NOL4L: variants seen among roughly 807,000 people sequenced by gnomAD.
NOL4L encodes the protein nucleolar protein 4 like.
In NOL4L, 7 loss-of-function variants were observed where a neutral mutation model predicts 64.5. That is an observed-to-expected ratio of 0.11 (90% CI 0.06 to 0.20). NOL4L has a LOEUF of 0.20. NOL4L is among the 10% of genes least tolerant of loss of function. The pLI is 1.00. For synonymous variants in NOL4L, 413 were observed against 401.0 expected, an observed-to-expected ratio of 1.03 and a Z score of -0.36; for missense variants, 680 against 967.1, an observed-to-expected ratio of 0.70 and a Z score of 3.94.
chr20:32,459,687 G>C (rs572986438), intron 5 of NOL4L, among the ~76,000 whole-genome samples: 30 of 152,062 alleles, frequency 2.0e-4, no homozygotes, highest in Admixed American at 1.4e-3. Context: ...GCCCAGCCTC[G>C]GCTAATTTTT....
intron 5 of NOL4L, among the ~76,000 whole-genome samples, chr20:32,471,832 C>G (rs1240137311): frequency 6.6e-6 from 1 of 152,298 alleles, no homozygotes; most frequent in East Asian, 1.9e-4. Flanking sequence ...CTTGCTCCCT[C>G]TCTCACCATG....
intron 4 of NOL4L, among the ~76,000 whole-genome samples, chr20:32,509,294 G>A (rs567001513): frequency 2.3e-4 from 35 of 152,174 alleles, no homozygotes; most frequent in Middle Eastern, 6.8e-3. Flanking sequence ...TAGGCAGGCA[G>A]ATTGCTTGAG....
In NOL4L at chr20:32,464,019, C is replaced by T. The variant is rs181383899; in HGVS notation, c.842-7624G>A. Among the ~76,000 whole-genome samples, 13 of 142,086 alleles carry T rather than the reference C, an allele frequency of 9.1e-5. No individual in the cohort carries two copies. The highest frequency in any genetic ancestry group is 2.6e-4 in the African/African-American group (10 of 38,212). 93.2% of individuals were successfully genotyped at this position (142,086 alleles called of 152,430 possible). Reference sequence around the variant, plus strand: ...AGACTCTGTCACAGCAGCAGCCAGGCGGGGGATGGGAGGGGCATCAATAAT... The same window carrying T: ...AGACTCTGTCACAGCAGCAGCCAGGTGGGGGATGGGAGGGGCATCAATAAT... On this transcript the variant is annotated intron_variant, in intron 5 of 10. Coordinates refer to ENST00000621426, the MANE Select transcript of NOL4L (RefSeq NM_001256798.2). The surrounding 1 kb of genome is among the most constrained non-coding windows in gnomAD (Gnocchi z 5.6).
At chr20:32,493,021 C>T (rs906458034) in intron 4 of NOL4L, among the ~76,000 whole-genome samples, 4 of 152,192 alleles carry the variant, frequency 2.6e-5, no homozygotes, top group Admixed American at 6.5e-5. Flanking sequence ...CAGATGCAGC[C>T]AGAGATTTCC....
chr20:32,507,992 C>T (rs530812017), intron 4 of NOL4L, among the ~76,000 whole-genome samples: 25 of 152,224 alleles, frequency 1.6e-4, no homozygotes, highest in South Asian at 1.5e-3. Flanking sequence ...GCCAGGGTGA[C>T]GGTGTGAGAC....
intron 4 of NOL4L, among the ~76,000 whole-genome samples, chr20:32,498,404 CCT>C (rs1055962351): frequency 2.0e-5 from 3 of 148,268 alleles, no homozygotes; most frequent in African/African-American, 4.9e-5. Context: ...GCTTTTCACG[CCT>C]CTCTCTGTTC....
chr20:32,584,233 G>C (rs1001736129), intron 1 of NOL4L, among the ~76,000 whole-genome samples: 13 of 151,010 alleles, frequency 8.6e-5, no homozygotes, highest in Admixed American at 3.9e-4. Context: ...GGGGCGGGCG[G>C]GGGGAGGCTC....
At chr20:32,546,729 C>T (rs552246977) in intron 1 of NOL4L, among the ~76,000 whole-genome samples, 1 of 152,188 alleles carries the variant, frequency 6.6e-6, no homozygotes, top group East Asian at 1.9e-4. Flanking sequence ...CCACTGCGCC[C>T]GGCAAGGCTG....
intron 5 of NOL4L, 102 bp from the exon 6 acceptor site, chr20:32,456,497 G>T: frequency 8.2e-7 from 1 of 1,219,978 alleles, no homozygotes; most frequent in Non-Finnish European, 1.1e-6. Context: ...AGTGTCCCTG[G>T]GTTGGGGTGA....
intron 10 of NOL4L, 49 bp downstream of exon 10, chr20:32,452,187 C>T: frequency 6.8e-7 from 1 of 1,476,864 alleles, no homozygotes; most frequent in Non-Finnish European, 9.0e-7. Context: ...TCTGCAGACC[C>T]AGCTGGGTGC....
At chr20:32,531,087 C>A (rs1376192627) in intron 1 of NOL4L, among the ~76,000 whole-genome samples, 1 of 152,076 alleles carries the variant, frequency 6.6e-6, no homozygotes, top group Non-Finnish European at 1.5e-5. Flanking sequence ...CCATCTTTAC[C>A]ATTTTTAAGT....
At chr20:32,474,311 T>C (rs965525935) in intron 5 of NOL4L, among the ~76,000 whole-genome samples, 1 of 152,246 alleles carries the variant, frequency 6.6e-6, no homozygotes, top group African/African-American at 2.4e-5. Flanking sequence ...GAAACCCACA[T>C]TGCAGAAGCC....
At chr20:32,583,564 CGA>C in intron 1 of NOL4L, among the ~76,000 whole-genome samples, 1 of 148,528 alleles carries the variant, frequency 6.7e-6, no homozygotes, top group African/African-American at 2.5e-5. Flanking sequence ...CGGCGCGGCC[CGA>C]CCGGGCCGGG....
intron 5 of NOL4L, among the ~76,000 whole-genome samples, chr20:32,457,134 C>T (rs763926599): frequency 8.0e-4 from 122 of 152,368 alleles, no homozygotes; most frequent in Non-Finnish European, 1.4e-3. Context: ...GAGGGCGCCC[C>T]CTGCCGCAAA....
rs1254238411 is a variant in NOL4L at position 32,550,231 on chromosome 20, T to C, written c.322-22318A>G. Among the ~76,000 whole-genome samples, 3 of 152,214 alleles carry C rather than the reference T, an allele frequency of 2.0e-5. No homozygotes were observed. In the East Asian group the frequency reaches 5.8e-4, roughly 29 times the overall value. On this transcript the variant is annotated intron_variant, in intron 1 of 10. Coordinates refer to ENST00000621426, the MANE Select transcript of NOL4L (RefSeq NM_001256798.2). ...TATTGTACTGAATACTGTAGACTAT[T>C]GTAACACAATGATATTTGATTTTTT...
At chr20:32,576,209 T>C (rs1360662309) in intron 1 of NOL4L, among the ~76,000 whole-genome samples, 2 of 151,960 alleles carry the variant, frequency 1.3e-5, no homozygotes, top group African/African-American at 2.4e-5. Flanking sequence ...CTCTGGCTGT[T>C]TGTGGGAAGA....
intron 3 of NOL4L, among the ~76,000 whole-genome samples, chr20:32,514,466 T>C (rs546718506): frequency 2.6e-5 from 4 of 151,692 alleles, no homozygotes; most frequent in Admixed American, 2.6e-4. Context: ...CACTCCAGCC[T>C]GGTGACAGAG....
Position 32,453,038 on chromosome 20 carries a change from G to C in NOL4L, c.1498-32C>G, listed in dbSNP as rs2013091934. ...GCAGAACGGGGATGGAGCTAGCATG[G>C]GGCCCGTGGGGGCCCTGGGCTTGTG... is the stretch of plus-strand genomic sequence containing the variant. On this transcript the variant is annotated intron_variant, in intron 8 of 10. Transcript: ENST00000621426. The surrounding 1 kb of genome is among the most constrained non-coding windows in gnomAD (Gnocchi z 5.6). The C allele has an allele frequency of 6.2e-7, 1 of 1,609,584 alleles. No individual in the cohort carries two copies. Among genetic ancestry groups the C allele is most frequent in the African/African-American group, 1.3e-5 (1 of 75,040 alleles).
intron 4 of NOL4L, among the ~76,000 whole-genome samples, chr20:32,488,809 CTTTCTTTCTTTCTT>C (rs2016273860): frequency 3.9e-5 from 1 of 25,632 alleles, no homozygotes; most frequent in Non-Finnish European, 6.4e-5. Context: ...CTTTCTTTTT[CTTTCTTTCTTTCTT>C]TCTTTTTCTT....
Sources: allele counts gnomAD v4.1 joint callset (sites outside exome capture counted in the v4.1 genomes callset), GRCh38; gene constraint gnomAD v4.1.1; non-coding constraint Gnocchi (gnomAD v3.1); transcripts MANE v1.5; gene names NCBI Gene and HGNC (gene_info 2026-07-23, HGNC 2026-07-21).